Variants in LNPK observed in about 807,000 individuals in gnomAD.
The protein encoded by LNPK is endoplasmic reticulum junction formation protein lunapark.
LNPK carries 29 observed loss-of-function variants against 55.2 expected under a neutral mutation model. The observed-to-expected ratio is 0.53, with a 90% CI of 0.39 to 0.72. The LOEUF is 0.72. LNPK is among the 30% of genes least tolerant of loss of function. The probability of loss-of-function intolerance (pLI) is 0.00; values close to 1 mark genes in which losing one functional copy is unlikely to be tolerated. For synonymous variants in LNPK, 162 were observed against 168.2 expected, an observed-to-expected ratio of 0.96 and a Z score of 0.29; for missense variants, 467 against 494.8, an observed-to-expected ratio of 0.94 and a Z score of 0.53.
chr2:175,935,057 A>G (rs529937035), intron 12 of LNPK, among the ~76,000 whole-genome samples: 63 of 152,190 alleles, frequency 4.1e-4, no homozygotes, highest in African/African-American at 1.4e-3. Flanking sequence ...CTTAACTTCA[A>G]AATCCTTACA....
chr2:175,923,963 C>T lies in LNPK; in HGVS notation c.*6004G>A, dbSNP rs1683900116. 5 of 152,104 alleles carry T rather than the reference C, an allele frequency of 3.3e-5. No homozygotes were observed. Among genetic ancestry groups the T allele is most frequent in the Admixed American group, 2.6e-4 (4 of 15,270 alleles). The allele number at this position is 152,104 out of a possible 1,614,324, so 9.4% of individuals were successfully genotyped here. ...TTTCTATATTTATATATTTATCTGT[C>T]TACATTCAGAGCCTGAATATATTTA... On this transcript the variant is annotated 3_prime_UTR_variant, in exon 13 of 13. Transcript: ENST00000272748.
At chr2:175,962,266 A>T (rs972257338) in intron 8 of LNPK, among the ~76,000 whole-genome samples, 15 of 152,216 alleles carry the variant, frequency 9.9e-5, no homozygotes, top group African/African-American at 3.6e-4. Flanking sequence ...AGCAAAAAGA[A>T]CAAAGCTGGA....
intron 8 of LNPK, among the ~76,000 whole-genome samples, chr2:175,952,809 G>A (rs1443243563): frequency 1.3e-5 from 2 of 151,800 alleles, no homozygotes; most frequent in Non-Finnish European, 2.9e-5. Flanking sequence ...TCACTGCTTT[G>A]GTCACCAACA....
In LNPK at chr2:175,945,510, G is replaced by GAA. The variant is rs758611547; in HGVS notation, c.706+1968_706+1969dup. 2.2e-3 allele frequency among the ~76,000 whole-genome samples: 230 copies of GAA among 105,100 alleles called. 2 individuals carry two copies. Among genetic ancestry groups the GAA allele is most frequent in the Non-Finnish European group, 2.8e-3 (146 of 53,014 alleles). The allele number at this position is 105,100 out of a possible 152,430, so 68.9% of individuals were successfully genotyped here. A position where few individuals can be genotyped will look rare whatever the true frequency, so the allele number is the denominator to read the frequency against. On this transcript the variant is annotated intron_variant, in intron 9 of 12. Transcript: ENST00000272748. ...AACAGAACAAGACTGTGTCTCAAAAGAAAAAAAAAAAAAAAAAAAAGATTC... is the reference window on the plus strand; with the variant it reads ...AACAGAACAAGACTGTGTCTCAAAAGAAAAAAAAAAAAAAAAAAAAAAGATTC...
At chr2:176,001,048 T>C (rs1688140019) in intron 1 of LNPK, among the ~76,000 whole-genome samples, 1 of 152,200 alleles carries the variant, frequency 6.6e-6, no homozygotes, top group South Asian at 2.1e-4. Flanking sequence ...TTATATAACA[T>C]ATAAACACTA....
intron 4 of LNPK, 40 bp downstream of exon 4, chr2:175,992,191 C>A: frequency 1.5e-6 from 2 of 1,346,450 alleles, no homozygotes; most frequent in South Asian, 2.8e-5. Context: ...ACTCTCTAGT[C>A]AGAAAAGGAA....
chr2:175,935,658 T>C (rs564809552), intron 12 of LNPK: 1 of 274,362 alleles, frequency 3.6e-6, no homozygotes, highest in Admixed American at 6.5e-5. Context: ...TTTAGCATTA[T>C]GGAGTTATCA....
intron 6 of LNPK, among the ~76,000 whole-genome samples, chr2:175,969,226 T>C (rs887962231): frequency 3.3e-5 from 5 of 152,298 alleles, no homozygotes; most frequent in Admixed American, 2.0e-4. Flanking sequence ...AAATGCCATA[T>C]TGAATTATTA....
At chr2:175,998,444 C>CA (rs761894057) in intron 1 of LNPK, among the ~76,000 whole-genome samples, 29,823 of 82,862 alleles carry the variant, frequency 0.36, 3,668 homozygotes, top group Non-Finnish European at 0.41. Flanking sequence ...CTCCGTCTCA[C>CA]AAAAAAAAAA....
intron 4 of LNPK, among the ~76,000 whole-genome samples, chr2:175,992,020 T>G (rs995587705): frequency 1.3e-5 from 2 of 152,156 alleles, no homozygotes; most frequent in African/African-American, 2.4e-5. Flanking sequence ...TTACTCATAT[T>G]ACTAGGTAAT....
In LNPK at chr2:175,927,485, G is replaced by C. The variant is rs73978120; in HGVS notation, c.*2482C>G. On this transcript the variant is annotated 3_prime_UTR_variant, in exon 13 of 13. Coordinates refer to ENST00000272748, the MANE Select transcript of LNPK (RefSeq NM_030650.3). ...GGAGTTTGGGAAGGCATCTCTCTGA[G>C]GAGGCAAAATTTAAGCTGAAATCTG... is the stretch of plus-strand genomic sequence containing the variant. 146 of 152,370 alleles carry C rather than the reference G, an allele frequency of 9.6e-4. No individual in the cohort carries two copies. The highest frequency in any genetic ancestry group is 3.4e-3 in the African/African-American group (141 of 41,562). The allele number at this position is 152,370 out of a possible 1,614,324, so 9.4% of individuals were successfully genotyped here.
chr2:175,968,532 T>C (rs1466652818), intron 6 of LNPK, among the ~76,000 whole-genome samples: 1 of 152,204 alleles, frequency 6.6e-6, no homozygotes, highest in Non-Finnish European at 1.5e-5. Flanking sequence ...AACTCAAGTT[T>C]TGTTAAAGGG....
intron 9 of LNPK, among the ~76,000 whole-genome samples, chr2:175,945,356 T>C (rs1685071739): frequency 6.6e-6 from 1 of 151,278 alleles, no homozygotes; most frequent in Non-Finnish European, 1.5e-5. Flanking sequence ...AATACAAAAA[T>C]TAGCCAGGCC....
At position 175,923,929 on chromosome 2, in the gene LNPK, C is replaced by A. The variant is rs1020599007; in HGVS notation, c.*6038G>T. ...ATTTTTATTCTTGTTTGTATTCTAACAAATGTACTTTCTATATTTATATAT... is the reference window on the plus strand; with the variant it reads ...ATTTTTATTCTTGTTTGTATTCTAAAAAATGTACTTTCTATATTTATATAT... On this transcript the variant is annotated 3_prime_UTR_variant, in exon 13 of 13. Transcript: ENST00000272748. 6.6e-6 allele frequency: 1 copy of A among 152,138 alleles called. No homozygotes were observed. Among genetic ancestry groups the A allele is most frequent in the African/African-American group, 2.4e-5 (1 of 41,430 alleles). 9.4% of individuals were successfully genotyped at this position (152,138 alleles called of 1,614,324 possible).
At chr2:175,994,747 T>C (rs1179373721) in intron 2 of LNPK, among the ~76,000 whole-genome samples, 2 of 151,996 alleles carry the variant, frequency 1.3e-5, no homozygotes, top group African/African-American at 4.8e-5. Flanking sequence ...TTTCGAGCTG[T>C]AACTTTGAGA....
chr2:175,994,914 ATTTTT>A (rs35432943), intron 2 of LNPK, among the ~76,000 whole-genome samples: 3 of 88,492 alleles, frequency 3.4e-5, no homozygotes, highest in Admixed American at 1.5e-4. Context: ...CTTGTATAGA[ATTTTT>A]TTTTTTTTTT....
chr2:175,953,904 A>C (rs1160485988), intron 8 of LNPK, among the ~76,000 whole-genome samples: 1 of 152,114 alleles, frequency 6.6e-6, no homozygotes, highest in Non-Finnish European at 1.5e-5. Context: ...TGATGCAGAA[A>C]AAGCCCTTCA....
chr2:175,989,003 C>T (rs2105711113), intron 4 of LNPK, among the ~76,000 whole-genome samples: 1 of 152,286 alleles, frequency 6.6e-6, no homozygotes, highest in South Asian at 2.1e-4. Flanking sequence ...TCCCGATCTC[C>T]TGATCTCGTG....
intron 12 of LNPK, chr2:175,935,666 T>C (rs1461575864): frequency 5.0e-6 from 2 of 398,156 alleles, no homozygotes; most frequent in East Asian, 1.6e-4. Context: ...TATGGAGTTA[T>C]CAAACCCTGC....
Sources: gnomAD v4.1 joint callset for allele counts (sites outside exome capture counted in the v4.1 genomes callset) on GRCh38, gnomAD v4.1.1 for gene constraint, MANE v1.5 for transcripts, NCBI Gene and HGNC (gene_info 2026-07-23, HGNC 2026-07-21) for gene names.